SLC35F1: variants seen among roughly 807,000 people sequenced by gnomAD.
SLC35F1 encodes chromosome 6 open reading frame 169.
SLC35F1 carries 14 observed loss-of-function variants against 48.7 expected under a neutral mutation model. The observed-to-expected ratio is 0.29, with a 90% confidence interval of 0.19 to 0.45. The LOEUF is 0.45. Among genes scored for constraint, SLC35F1 ranks in the 20% least tolerant of loss-of-function variants. The pLI is 1.00. For missense variants in SLC35F1, 404 were observed against 500.0 expected, an observed-to-expected ratio of 0.81 and a Z score of 1.83; for synonymous variants, 190 against 202.2, an observed-to-expected ratio of 0.94 and a Z score of 0.51.
At chr6:118,143,877 G>A (rs1773929940) in intron 1 of SLC35F1, among the ~76,000 whole-genome samples, 1 of 152,112 alleles carries the variant, frequency 6.6e-6, no homozygotes, top group Non-Finnish European at 1.5e-5. Context: ...CTAGTTAGTG[G>A]CAGTTAGGAT....
intron 7 of SLC35F1, among the ~76,000 whole-genome samples, chr6:118,301,976 A>G (rs1417469311): frequency 1.3e-5 from 2 of 152,188 alleles, no homozygotes; most frequent in East Asian, 3.8e-4. Flanking sequence ...AGCTATACAC[A>G]AAATGTTACA....
At chr6:118,305,103 AAG>A (rs1299771350) in intron 7 of SLC35F1, among the ~76,000 whole-genome samples, 2 of 66,086 alleles carry the variant, frequency 3.0e-5, no homozygotes, top group Non-Finnish European at 6.8e-5. Flanking sequence ...TTCAGAGAGA[AAG>A]AGAGATTGAT....
intron 2 of SLC35F1, among the ~76,000 whole-genome samples, chr6:118,169,202 C>T (rs1406910483): frequency 2.0e-5 from 3 of 152,164 alleles, no homozygotes; most frequent in African/African-American, 7.2e-5. Context: ...AATATTCCAA[C>T]CAAATGTAGC....
chr6:117,917,272 TGAG>T (rs1426170480), intron 1 of SLC35F1, among the ~76,000 whole-genome samples: 1 of 151,790 alleles, frequency 6.6e-6, no homozygotes, highest in African/African-American at 2.4e-5. Flanking sequence ...AGAGCATAAG[TGAG>T]GAGGTCAGAG....
chr6:117,971,832 C>T (rs190446968), intron 1 of SLC35F1, among the ~76,000 whole-genome samples: 99 of 152,296 alleles, frequency 6.5e-4, no homozygotes, highest in African/African-American at 2.2e-3. Flanking sequence ...GGGCCCTGGG[C>T]CTGGCCCAGG....
chr6:118,266,711 A>G (rs111533774), intron 3 of SLC35F1, among the ~76,000 whole-genome samples: 6,090 of 152,282 alleles, frequency 0.04, 422 homozygotes, highest in African/African-American at 0.14. Context: ...GAGCTGCCCC[A>G]GCACCTGGAG....
intron 1 of SLC35F1, among the ~76,000 whole-genome samples, chr6:118,078,241 G>C (rs1772851032): frequency 6.6e-6 from 1 of 152,116 alleles, no homozygotes; most frequent in African/African-American, 2.4e-5. Flanking sequence ...CCCACATAGA[G>C]GCAGCTCGAG....
chr6:117,955,894 A>G (rs1582584269), intron 1 of SLC35F1, among the ~76,000 whole-genome samples: 1 of 152,250 alleles, frequency 6.6e-6, no homozygotes, highest in African/African-American at 2.4e-5. Flanking sequence ...AAGTGAAAAC[A>G]TAGAACTAAG....
chr6:118,231,308 TA>T (rs980609034), intron 2 of SLC35F1, among the ~76,000 whole-genome samples: 3 of 152,138 alleles, frequency 2.0e-5, no homozygotes, highest in Admixed American at 1.3e-4. Context: ...CCAGTTAATT[TA>T]AAAAAAGGTG....
chr6:118,143,849 G>A (rs1228184168), intron 1 of SLC35F1, among the ~76,000 whole-genome samples: 1 of 152,136 alleles, frequency 6.6e-6, no homozygotes, highest in Non-Finnish European at 1.5e-5. Flanking sequence ...TTTTATAGAT[G>A]AGGAAAATGA....
At chr6:117,910,728 T>A (rs186194295) in intron 1 of SLC35F1, among the ~76,000 whole-genome samples, 2 of 152,272 alleles carry the variant, frequency 1.3e-5, no homozygotes, top group East Asian at 3.9e-4. Flanking sequence ...GGGGTAATGC[T>A]GAGACACAGA....
chr6:117,920,303 G>C (rs1017610700), intron 1 of SLC35F1, among the ~76,000 whole-genome samples: 1 of 152,232 alleles, frequency 6.6e-6, no homozygotes, highest in South Asian at 2.1e-4. Context: ...ACAGAGGACC[G>C]GACGGGGGCG....
At chr6:118,114,726 T>C (rs1051217915) in intron 1 of SLC35F1, among the ~76,000 whole-genome samples, 6 of 152,174 alleles carry the variant, frequency 3.9e-5, no homozygotes, top group Non-Finnish European at 7.3e-5. Flanking sequence ...CTCTTTCAAC[T>C]CTTGCCTCAG....
At chr6:118,123,398 C>T (rs969965494) in intron 1 of SLC35F1, among the ~76,000 whole-genome samples, 2 of 148,628 alleles carry the variant, frequency 1.3e-5, no homozygotes, top group African/African-American at 5.0e-5. Flanking sequence ...TGTTAAAAGG[C>T]CACTCTTAGA....
rs1190382277 is a variant in SLC35F1, at chr6:117,907,531, T to G, written c.-196T>G. ...GGCGCGAGGGTGCGCGCACTGGGAC[T>G]GGAGAGGAGTGAGTGGCGGGCTGGG... On this transcript the variant is annotated 5_prime_UTR_variant, in exon 1 of 8. Transcript: ENST00000360388. The G allele has an allele frequency of 1.2e-5, 4 of 327,666 alleles. No homozygotes were observed. The highest frequency in any genetic ancestry group is 8.9e-5 in the African/African-American group (4 of 44,818). The allele number at this position is 327,666 out of a possible 1,614,324, so 20.3% of individuals were successfully genotyped here.
intron 2 of SLC35F1, among the ~76,000 whole-genome samples, chr6:118,205,170 G>T (rs1450790298): frequency 1.3e-5 from 2 of 152,200 alleles, no homozygotes; most frequent in Non-Finnish European, 2.9e-5. Flanking sequence ...ATAGGACATT[G>T]CAAACCTGTG....
At chr6:118,286,804 T>TG (rs1491496141) in intron 7 of SLC35F1, among the ~76,000 whole-genome samples, 7,323 of 139,434 alleles carry the variant, frequency 0.053, 520 homozygotes, top group African/African-American at 0.18. Flanking sequence ...TGTGTGTGTG[T>TG]TTGTGTGTGT....
intron 1 of SLC35F1, among the ~76,000 whole-genome samples, chr6:118,047,092 G>A (rs1051091130): frequency 5.3e-5 from 8 of 152,114 alleles, no homozygotes; most frequent in Admixed American, 5.2e-4. Flanking sequence ...CACACCTTTT[G>A]CTTCCAGCAG....
In SLC35F1 at chr6:118,102,583, A is replaced by G. The variant is rs138498306; in HGVS notation, c.174-51862A>G. Among the ~76,000 whole-genome samples the G allele has an allele frequency of 1.5e-3, 226 of 152,344 alleles. 2 individuals are homozygous for G. Among genetic ancestry groups the G allele is most frequent in the African/African-American group, 5.2e-3 (217 of 41,578 alleles). On this transcript the variant is annotated intron_variant, in intron 1 of 7. Transcript: ENST00000360388. ...GACAAGGGATTAAAAATGTCTGTGG[A>G]TGCTAAGTGACAGTTTCACGTTGTG...
Sources: gnomAD v4.1 joint callset for allele counts (sites outside exome capture counted in the v4.1 genomes callset) on GRCh38, gnomAD v4.1.1 for gene constraint, MANE v1.5 for transcripts, NCBI Gene and HGNC (gene_info 2026-07-23, HGNC 2026-07-21) for gene names.